Variants in LINGO2 observed in about 807,000 individuals in gnomAD.
LINGO2 encodes the protein leucine rich repeat and Ig domain containing 2.
LINGO2 carries 14 observed loss-of-function variants against 30.6 expected under a neutral mutation model. The ratio of observed to expected loss-of-function variants is 0.46; its 90% CI spans 0.30 to 0.72. The LOEUF (loss-of-function observed/expected upper bound fraction) is 0.72, where lower values mean the gene tolerates loss of function less well. LINGO2 is among the 30% of genes least tolerant of loss of function. The pLI is 0.07. For synonymous variants in LINGO2, 317 were observed against 288.5 expected (o/e 1.10, Z -1.00); for missense variants, 729 against 751.7 (o/e 0.97, Z 0.35).
the LINGO2 span, among the ~76,000 whole-genome samples, chr9:28,745,379 G>C: frequency 6.6e-6 from 1 of 151,966 alleles, no homozygotes; most frequent in African/African-American, 2.4e-5. Flanking sequence ...TCCAGTGGTG[G>C]CAGATGTCTC....
intron 4 of LINGO2, among the ~76,000 whole-genome samples, chr9:28,204,309 G>T (rs1428765268): frequency 6.6e-6 from 1 of 152,090 alleles, no homozygotes; most frequent in Non-Finnish European, 1.5e-5. Flanking sequence ...GTCATTTTGA[G>T]TCTTTTGTGG....
intron 5 of LINGO2, among the ~76,000 whole-genome samples, chr9:28,005,472 C>A (rs1225228297): frequency 6.6e-6 from 1 of 152,160 alleles, no homozygotes; most frequent in African/African-American, 2.4e-5. Context: ...CTTTTTCCCT[C>A]TACTTTTCTT....
chr9:27,974,744 T>A (rs935669012), intron 5 of LINGO2, among the ~76,000 whole-genome samples: 1 of 152,058 alleles, frequency 6.6e-6, no homozygotes, highest in Non-Finnish European at 1.5e-5. Context: ...TTTAATTTAT[T>A]CAATATTTCA....
the LINGO2 span, among the ~76,000 whole-genome samples, chr9:29,126,128 C>G: frequency 3.4e-4 from 52 of 152,208 alleles, no homozygotes; most frequent in Middle Eastern, 0.01. Flanking sequence ...TGCCCTTAGG[C>G]TCTTTCAATC....
Position 28,180,701 on chromosome 9 carries a change from T to C in LINGO2, c.-87+114507A>G, listed in dbSNP as rs187249940. 1.2e-3 allele frequency among the ~76,000 whole-genome samples: 177 copies of C among 151,978 alleles called. 1 individual carries two copies. Among genetic ancestry groups the C allele is most frequent in the African/African-American group, 4.2e-3 (173 of 41,454 alleles). The stretch of plus-strand genomic sequence containing the variant: ...CATTAGCCAGTGAGTAGAACAGGAG[T>C]TTGGGAAGGAGAAGGAAGGTTGCCA... On this transcript the variant is annotated intron_variant, in intron 4 of 5. Coordinates refer to ENST00000379992, the Ensembl canonical transcript of LINGO2.
intron 4 of LINGO2, among the ~76,000 whole-genome samples, chr9:28,210,894 A>G (rs1031872481): frequency 1.3e-5 from 2 of 151,598 alleles, no homozygotes; most frequent in African/African-American, 4.8e-5. Flanking sequence ...TTAGCTCCAG[A>G]AAGACTATCA....
At chr9:29,132,609 C>A in the LINGO2 span, among the ~76,000 whole-genome samples, 1 of 152,148 alleles carries the variant, frequency 6.6e-6, no homozygotes, top group African/African-American at 2.4e-5. Context: ...GAGCCTTCCC[C>A]CACTCTGTGG....
intron 5 of LINGO2, among the ~76,000 whole-genome samples, chr9:27,962,489 G>A (rs1819895021): frequency 1.3e-5 from 2 of 152,082 alleles, no homozygotes; most frequent in African/African-American, 4.8e-5. Flanking sequence ...AAGAAGGGTG[G>A]ATAAGCACCC....
At chr9:28,245,948 TAAATTTCATGTGGAATC>T (rs768327530) in intron 4 of LINGO2, among the ~76,000 whole-genome samples, 18 of 152,262 alleles carry the variant, frequency 1.2e-4, no homozygotes, top group Middle Eastern at 6.8e-3. Flanking sequence ...AAAACTACTT[TAAATTTCATGTGGAATC>T]AAAGTAGAAC....
At chr9:28,505,256 A>T (rs1364333190) in intron 1 of LINGO2, among the ~76,000 whole-genome samples, 1 of 151,928 alleles carries the variant, frequency 6.6e-6, no homozygotes, top group Non-Finnish European at 1.5e-5. Flanking sequence ...TCATGGAACA[A>T]AGGAGACTCT....
At chr9:28,848,397 GTATATATA>G in the LINGO2 span, among the ~76,000 whole-genome samples, 1,921 of 48,292 alleles carry the variant, frequency 0.04, 38 homozygotes, top group Middle Eastern at 0.068. Flanking sequence ...GTGTGTGTGT[GTATATATA>G]TATATATATA....
At chr9:28,441,342 A>C (rs960118925) in intron 2 of LINGO2, among the ~76,000 whole-genome samples, 1 of 136,210 alleles carries the variant, frequency 7.3e-6, no homozygotes, top group Non-Finnish European at 1.5e-5. Flanking sequence ...ACTAACTTTC[A>C]GTTAAATACA....
intron 1 of LINGO2, among the ~76,000 whole-genome samples, chr9:28,593,558 C>T (rs1363926749): frequency 6.6e-6 from 1 of 151,972 alleles, no homozygotes; most frequent in Non-Finnish European, 1.5e-5. Context: ...TCTAAGTTCC[C>T]CATAAAAGGT....
At chr9:28,326,897 T>C (rs749999604) in intron 3 of LINGO2, among the ~76,000 whole-genome samples, 1 of 152,102 alleles carries the variant, frequency 6.6e-6, no homozygotes, top group Non-Finnish European at 1.5e-5. Flanking sequence ...AGAAAAGCAC[T>C]AGGGGAATGG....
At chr9:28,748,745 A>G in the LINGO2 span, among the ~76,000 whole-genome samples, 2 of 152,022 alleles carry the variant, frequency 1.3e-5, no homozygotes, top group African/African-American at 4.8e-5. Context: ...TTAGAACAAC[A>G]TATGTCTAAT....
intron 4 of LINGO2, among the ~76,000 whole-genome samples, chr9:28,137,021 C>A (rs1006457487): frequency 6.6e-6 from 1 of 152,002 alleles, no homozygotes; most frequent in African/African-American, 2.4e-5. Context: ...GAATTTATGC[C>A]TTCATCTCTC....
At chr9:28,157,987 T>C (rs1441581894) in intron 4 of LINGO2, among the ~76,000 whole-genome samples, 1 of 152,226 alleles carries the variant, frequency 6.6e-6, no homozygotes, top group Non-Finnish European at 1.5e-5. Context: ...TCCTCCAAAC[T>C]GTTCCAACCT....
chr9:28,250,950 C>G (rs552115786), intron 4 of LINGO2, among the ~76,000 whole-genome samples: 1 of 150,468 alleles, frequency 6.6e-6, no homozygotes, highest in Non-Finnish European at 1.5e-5. Flanking sequence ...GACGCCCTCA[C>G]CATCAGGTGT....
chr9:28,904,232 A>C, the LINGO2 span, among the ~76,000 whole-genome samples: 10 of 152,014 alleles, frequency 6.6e-5, no homozygotes, highest in Admixed American at 5.3e-4. Context: ...AATAAAAGCC[A>C]CATGTAGCAA....
Sources: allele counts gnomAD v4.1 joint callset (sites outside exome capture counted in the v4.1 genomes callset), GRCh38; gene constraint gnomAD v4.1.1; transcripts MANE v1.5; gene names NCBI Gene and HGNC (gene_info 2026-07-23, HGNC 2026-07-21).